The following MUS81 variants were observed in gnomAD, a reference collection of about 807,000 sequenced individuals.
The protein encoded by MUS81 is structure-specific endonuclease subunit MUS81.
Under a neutral mutation model 74.2 loss-of-function variants are expected in MUS81, and 69 were observed. The ratio of observed to expected loss-of-function variants is 0.93; its 90% CI spans 0.77 to 1.14. The LOEUF (loss-of-function observed/expected upper bound fraction) is 1.14. Ranked by LOEUF, MUS81 falls within the 50% of genes most tolerant of loss-of-function variation. The pLI, the probability that MUS81 is intolerant of heterozygous loss-of-function variation, is 0.00. For synonymous variants in MUS81, 303 were observed against 300.6 expected, an observed-to-expected ratio of 1.01 and a Z score of -0.08; for missense variants, 711 against 726.5, an observed-to-expected ratio of 0.98 and a Z score of 0.25.
In MUS81 at chr11:65,864,600, T is replaced by C; in HGVS notation, c.1163T>C (p.Val388Ala). The C allele has an allele frequency of 6.2e-7, 1 of 1,614,074 alleles. No individual in the cohort carries two copies. Among genetic ancestry groups the C allele is most frequent in the East Asian group, 2.2e-5 (1 of 44,886 alleles). ...SLPESTLLQA[V>A]TNTQVIDGFF... ...CCTGAGAGCACACTGCTGCAGGCTGTCACCAACACTCAGGTGAGCTGGGAG... is the reference window on the plus strand; with the variant it reads ...CCTGAGAGCACACTGCTGCAGGCTGCCACCAACACTCAGGTGAGCTGGGAG... Residue 388 changes from valine (V) to alanine (A), a missense_variant, in exon 11 of 16, where the codon GTC (valine) becomes GCC (alanine). Val to Ala is a moderately conservative substitution (Grantham distance 64). Coordinates refer to ENST00000308110, the MANE Select transcript of MUS81 (RefSeq NM_025128.5).
chr11:65,860,989 G>A lies in MUS81; in HGVS notation c.152G>A (p.Arg51Gln). The A allele has an allele frequency of 1.2e-6, 2 of 1,612,140 alleles. No homozygotes were observed. The highest frequency in any genetic ancestry group is 1.7e-6 in the Non-Finnish European group (2 of 1,179,644). The part of the protein sequence containing the change: ...FVFQKALRSL[R>Q]RYPLPLRSGK... ...CCCGGCCAGGCGCTGCGTTCCCTCC[G>A]ACGGTACCCACTGCCGCTGCGCAGC... Residue 51 changes from arginine (R) to glutamine (Q), a missense_variant, in exon 2 of 16, where the codon CGA becomes CAA. Arg to Gln is a conservative substitution (Grantham distance 43). Coordinates refer to ENST00000308110, the MANE Select transcript of MUS81 (RefSeq NM_025128.5).
intron 4 of MUS81, 35 bp downstream of exon 4, chr11:65,862,080 G>C: frequency 6.2e-7 from 1 of 1,600,010 alleles, no homozygotes; most frequent in South Asian, 1.1e-5. Context: ...GCGGAACCAT[G>C]GCAGTGGGGT....
Position 65,860,789 on chromosome 11 carries a change from G to T in MUS81, c.36G>T (p.Pro12=). 1 of 1,538,998 alleles carries T rather than the reference G, an allele frequency of 6.5e-7. No homozygotes were observed. Among genetic ancestry groups the T allele is most frequent in the South Asian group, 1.2e-5 (1 of 84,130 alleles). The change falls in exon 1 of 16, where the codon CCG becomes CCT. Residue 12 remains proline (P), a synonymous_variant. Coordinates refer to ENST00000308110, the MANE Select transcript of MUS81 (RefSeq NM_025128.5). The part of the protein sequence containing the change: ...AAPVRLGRKR[P]LPACPNPLFV... ...CGGTCCGCCTGGGCCGGAAGCGCCC[G>T]CTGCCTGCCTGTCCCAACCCGCTCT...
upstream of MUS81, among the ~76,000 whole-genome samples, chr11:65,859,841 G>T (rs1408415343): frequency 6.6e-6 from 1 of 152,118 alleles, no homozygotes; most frequent in Non-Finnish European, 1.5e-5. Context: ...TCCCACTTCC[G>T]ATTAGCCACA....
chr11:65,863,362 C>T, intron 7 of MUS81, 48 bp from the exon 8 acceptor site: 1 of 1,609,620 alleles, frequency 6.2e-7, no homozygotes, highest in South Asian at 1.1e-5. Flanking sequence ...GGGGCAACTG[C>T]CCTGGCACAA....
intron 3 of MUS81, 87 bp downstream of exon 3, chr11:65,861,522 C>A: frequency 1.8e-6 from 2 of 1,119,962 alleles, no homozygotes; most frequent in South Asian, 1.4e-5. Context: ...AGCCTGAGTC[C>A]AAATCTCACC....
At chr11:65,867,575 G>A (rs1353602831), downstream of MUS81, 6 of 502,680 alleles carry the variant, frequency 1.2e-5, no homozygotes, top group Non-Finnish European at 1.8e-5. Flanking sequence ...TCTGACCCCA[G>A]GGCCCTGCAC....
chr11:65,860,472 G>C lies in MUS81; in HGVS notation c.-282G>C. The C allele has an allele frequency of 1.8e-6, 1 of 551,030 alleles. No homozygotes were observed. Among genetic ancestry groups the C allele is most frequent in the Non-Finnish European group, 3.3e-6 (1 of 303,140 alleles). The allele number at this position is 551,030 out of a possible 1,614,324, so 34.1% of individuals were successfully genotyped here. On this transcript the variant is annotated 5_prime_UTR_variant, in exon 1 of 16. Coordinates refer to ENST00000308110, the MANE Select transcript of MUS81 (RefSeq NM_025128.5). ...GGTCCAGGCTCCGGGGGCTGGGAAA[G>C]GGCGCGTCTCAAAGGCTGGCTGGAG...
At chr11:65,859,739 G>A (rs1206518938), upstream of MUS81, among the ~76,000 whole-genome samples, 2 of 152,252 alleles carry the variant, frequency 1.3e-5, no homozygotes, top group Non-Finnish European at 2.9e-5. Context: ...ACCCTGGCGG[G>A]TCGCCTGTGT....
Position 65,861,992 on chromosome 11 carries a change from G to T in MUS81, c.397G>T (p.Ala133Ser), listed in dbSNP as rs753852784. ...GGGAGGCTCTGGCAGCTACTGGCCAGCTCGGCACTCAGGAGCCCGAGTGAT... is the reference window on the plus strand; with the variant it reads ...GGGAGGCTCTGGCAGCTACTGGCCATCTCGGCACTCAGGAGCCCGAGTGAT... Reference protein sequence around the residue: ...KAGGSGSYWPARHSGARVILL... With the variant: ...KAGGSGSYWPSRHSGARVILL... The change falls in exon 4 of 16, where the codon GCT (alanine) becomes TCT (serine). Residue 133 changes from alanine to serine, a missense_variant. By Grantham distance (99) the Ala-to-Ser change is moderately conservative. Coordinates refer to ENST00000308110, the MANE Select transcript of MUS81 (RefSeq NM_025128.5). 1.9e-6 allele frequency: 3 copies of T among 1,611,490 alleles called. No individual in the cohort carries two copies. Among genetic ancestry groups the T allele is most frequent in the Non-Finnish European group, 8.5e-7 (1 of 1,179,290 alleles).
rs1430572138 is a variant in MUS81, at chr11:65,866,400, AAAAT to A, written c.*356_*359del. 3.0e-5 allele frequency: 19 copies of A among 642,240 alleles called. No homozygotes were observed. The highest frequency in any genetic ancestry group is 4.7e-5 in the Non-Finnish European group (17 of 362,826). The allele number at this position is 642,240 out of a possible 1,614,324, so 39.8% of individuals were successfully genotyped here. ...GCTCATTGGGAAAATAAAAATAATA[AAAAT>A]AAATAAAACTTCCTAAAAGAAAAGA... is the stretch of plus-strand genomic sequence containing the variant. On this transcript the variant is annotated 3_prime_UTR_variant, in exon 16 of 16. Coordinates refer to ENST00000308110, the MANE Select transcript of MUS81 (RefSeq NM_025128.5).
chr11:65,860,749 G>A lies in MUS81; in HGVS notation c.-5G>A. ...TGGAGCGCCGGAGGACCCGCCCTCGGGCTCATGGCGGCCCCGGTCCGCCTG... is the reference window on the plus strand; with the variant it reads ...TGGAGCGCCGGAGGACCCGCCCTCGAGCTCATGGCGGCCCCGGTCCGCCTG... On this transcript the variant is annotated 5_prime_UTR_variant, in exon 1 of 16. Transcript: ENST00000308110. The A allele has an allele frequency of 6.5e-7, 1 of 1,533,404 alleles. No homozygotes were observed. The allele number at this position is 1,533,404 out of a possible 1,614,324, so 95.0% of individuals were successfully genotyped here. A position where few individuals can be genotyped will look rare whatever the true frequency, so the allele number is the denominator to read the frequency against.
chr11:65,866,770 C>T, downstream of MUS81: 1 of 1,071,674 alleles, frequency 9.3e-7, no homozygotes, highest in East Asian at 2.6e-5. Context: ...AAGTGCCACC[C>T]TGCCCCAGCC....
Position 65,860,599 on chromosome 11 carries a change from C to G in MUS81, c.-155C>G, listed in dbSNP as rs1410994112. 7 of 993,774 alleles carry G rather than the reference C, an allele frequency of 7.0e-6. No homozygotes were observed. Among genetic ancestry groups the G allele is most frequent in the Non-Finnish European group, 9.0e-6 (6 of 666,900 alleles). 61.6% of individuals were successfully genotyped at this position (993,774 alleles called of 1,614,324 possible). A position where few individuals can be genotyped will look rare whatever the true frequency, so the allele number is the denominator to read the frequency against. On this transcript the variant is annotated 5_prime_UTR_variant, in exon 1 of 16. Coordinates refer to ENST00000308110, the MANE Select transcript of MUS81 (RefSeq NM_025128.5). Reference sequence around the variant, plus strand: ...CCGCAGGCTCTCCTCTCGTTAGTGCCCCCTGTGTTTGGGGCCCCGTGATCT... The same window carrying G: ...CCGCAGGCTCTCCTCTCGTTAGTGCGCCCTGTGTTTGGGGCCCCGTGATCT...
rs768237489 is a variant in MUS81, at chr11:65,865,852, A to G, written c.1547A>G (p.Gln516Arg). The G allele has an allele frequency of 3.7e-6, 6 of 1,614,134 alleles. No homozygotes were observed. Among genetic ancestry groups the G allele is most frequent in the Non-Finnish European group, 4.2e-6 (5 of 1,180,006 alleles). Residue 516 changes from glutamine to arginine, a missense_variant, in exon 15 of 16, where the codon CAA becomes CGA. By Grantham distance (43) the Gln-to-Arg change is conservative. Coordinates refer to ENST00000308110, the MANE Select transcript of MUS81 (RefSeq NM_025128.5). ...GATGCCTGTGCCACCCCCAAGGAAC[A>G]AGAGACACTGCTGAGCACCATTAAG... ...AYDACATPKE[Q>R]ETLLSTIKCG...
intron 2 of MUS81, 111 bp downstream of exon 2, chr11:65,861,213 TTCGG>T: frequency 6.4e-7 from 1 of 1,570,408 alleles, no homozygotes; most frequent in Non-Finnish European, 8.7e-7. Context: ...CCAGTTGCCG[TTCGG>T]CCTAGGGCTA....
At chr11:65,860,918 G>C in intron 1 of MUS81, 30 bp downstream of exon 1, 2 of 1,605,270 alleles carry the variant, frequency 1.2e-6, no homozygotes, top group Non-Finnish European at 1.7e-6. Flanking sequence ...GATGGGAAAA[G>C]CTGCTGGCCA....
rs549884196 is a variant in MUS81 at position 65,863,468 on chromosome 11, G to A, written c.805G>A (p.Val269Met). 3.1e-6 allele frequency: 5 copies of A among 1,614,170 alleles called. No homozygotes were observed. In the Admixed American group the frequency reaches 8.3e-5, roughly 27 times the overall value. The change falls in exon 8 of 16, where the codon GTG (valine) becomes ATG (methionine). Residue 269 changes from valine to methionine, a missense_variant. Val to Met is a conservative substitution (Grantham distance 21). Transcript: ENST00000308110. Reference sequence around the variant, plus strand: ...GGAGCTGAGGCCTGGAGAGTACAGGGTGCTGTTGTGTGTGGACATTGGCGA... The same window carrying A: ...GGAGCTGAGGCCTGGAGAGTACAGGATGCTGTTGTGTGTGGACATTGGCGA... ...PLELRPGEYR[V>M]LLCVDIGETR...
intron 3 of MUS81, chr11:65,861,736 C>G (rs1385121594): frequency 3.3e-6 from 2 of 611,280 alleles, no homozygotes; most frequent in Non-Finnish European, 5.9e-6. Context: ...GAAGTGAGGC[C>G]AGGCTGGGCA....
Sources: allele counts gnomAD v4.1 joint callset (sites outside exome capture counted in the v4.1 genomes callset), GRCh38; gene constraint gnomAD v4.1.1; transcripts MANE v1.5; gene names NCBI Gene and HGNC (gene_info 2026-07-23, HGNC 2026-07-21).